The following DDX47 variants were observed in gnomAD, a reference collection of about 807,000 sequenced individuals.
The protein encoded by DDX47 is probable ATP-dependent RNA helicase DDX47.
DDX47 carries 60 observed loss-of-function variants against 58.8 expected under a neutral mutation model. That is an observed-to-expected ratio of 1.02 (90% CI 0.83 to 1.26). DDX47 has a LOEUF of 1.26. DDX47 is among the 50% of genes most tolerant of loss of function. The pLI, the probability that DDX47 is intolerant of heterozygous loss-of-function variation, is 0.00. For missense variants in DDX47, 530 were observed against 573.2 expected (o/e 0.92, Z 0.77); for synonymous variants, 197 against 204.6 (o/e 0.96, Z 0.32).
rs770793118 is a variant in DDX47 at position 12,827,334 on chromosome 12, C to G, written c.1195C>G (p.Leu399Val). Residue 399 changes from leucine to valine, a missense_variant, in exon 11 of 12, where the codon CTG (leucine) becomes GTG (valine). Physicochemically the swap from Leu to Val is conservative, Grantham distance 32. Transcript: ENST00000358007. ...AACACAGGATGATGAGGTTATGATG[C>G]TGACAGAACGCGTCGCTGAAGCCCA... ...FPTQDDEVMM[L>V]TERVAEAQRF... is the part of the protein sequence containing the mutation. The G allele has an allele frequency of 6.2e-7, 1 of 1,614,130 alleles. No homozygotes were observed. Among genetic ancestry groups the G allele is most frequent in the Non-Finnish European group, 8.5e-7 (1 of 1,180,010 alleles).
chr12:12,821,657 GTGATTGTAGGTGGAAT>G lies in DDX47; in HGVS notation c.379_394del (p.Val127GlnfsTer14). 6.2e-7 allele frequency: 1 copy of G among 1,613,880 alleles called. No individual in the cohort carries two copies. ...CTATGTTCTTTTTTTCTCTGTAGCT[GTGATTGTAGGTGGAAT>G]TGATTCAATGTCTCAATCTTTGGCC... On this transcript the variant is annotated frameshift_variant, in exon 4 of 12. Transcript: ENST00000358007. LOFTEE classifies it high-confidence loss of function.
intron 9 of DDX47, 137 bp downstream of exon 9, chr12:12,824,814 G>T: frequency 1.2e-6 from 1 of 861,512 alleles, no homozygotes; most frequent in South Asian, 1.7e-5. Context: ...CCCTTGGTTA[G>T]TTCATTCACA....
At chr12:12,813,594 C>G in intron 1 of DDX47, 140 bp downstream of exon 1, 1 of 813,274 alleles carries the variant, frequency 1.2e-6, no homozygotes. Context: ...TTTCAGAGGG[C>G]TGGGTTTCGG....
intron 9 of DDX47, 71 bp downstream of exon 9, chr12:12,824,748 C>G (rs1319028869): frequency 4.0e-6 from 6 of 1,496,712 alleles, no homozygotes; most frequent in Non-Finnish European, 4.6e-6. Context: ...TCTGTCTTTC[C>G]TTAGTTACAG....
intron 11 of DDX47, 64 bp downstream of exon 11, chr12:12,827,439 A>T (rs2065161550): frequency 6.4e-7 from 1 of 1,550,990 alleles, no homozygotes; most frequent in African/African-American, 1.4e-5. Context: ...CCACTTTATT[A>T]TATTAACCCT....
chr12:12,821,274 T>G lies in DDX47; in HGVS notation c.248T>G (p.Leu83Arg), dbSNP rs898503925. The part of the protein sequence containing the change: ...GKTGAFALPI[L>R]NALLETPQRL... ...ACAGGCGCCTTTGCTTTGCCCATTC[T>G]AAACGCACTGCTGGAGACCCCGCAG... is the stretch of plus-strand genomic sequence containing the variant. The change falls in exon 3 of 12, where the codon CTA becomes CGA. Residue 83 changes from leucine (L) to arginine (R), a missense_variant. Transcript: ENST00000358007. 9.3e-6 allele frequency: 15 copies of G among 1,614,148 alleles called. No homozygotes were observed. The highest frequency in any genetic ancestry group is 1.1e-5 in the Non-Finnish European group (13 of 1,180,062).
intron 6 of DDX47, 34 bp from the exon 7 acceptor site, chr12:12,823,169 C>A: frequency 7.9e-7 from 1 of 1,271,954 alleles, no homozygotes; most frequent in Non-Finnish European, 1.2e-6. Context: ...AGTGTTTAGG[C>A]ATCAGTGTGC....
chr12:12,827,842 A>G (rs1592325743), intron 11 of DDX47, among the ~76,000 whole-genome samples: 1 of 151,666 alleles, frequency 6.6e-6, no homozygotes, highest in African/African-American at 2.4e-5. Context: ...AAAAATTTGA[A>G]ATCCAAAACC....
chr12:12,815,041 C>T (rs1255768598), intron 2 of DDX47, among the ~76,000 whole-genome samples: 1 of 152,088 alleles, frequency 6.6e-6, no homozygotes, highest in Non-Finnish European at 1.5e-5. Flanking sequence ...AAAGTACCAA[C>T]TTTACAGGAT....
intron 2 of DDX47, 24 bp from the exon 3 acceptor site, chr12:12,821,184 C>T: frequency 6.2e-7 from 1 of 1,612,038 alleles, no homozygotes; most frequent in Non-Finnish European, 8.5e-7. Context: ...GATTACTTGG[C>T]TGTTGAATTT....
In DDX47 at chr12:12,829,765, T is replaced by C. The variant is rs537793007; in HGVS notation, c.*211T>C. The stretch of plus-strand genomic sequence containing the variant: ...CAAGACTGTTACTGTTCTTCGACTT[T>C]GATTCCTTGCTCATGACATGAGTAG... On this transcript the variant is annotated 3_prime_UTR_variant, in exon 12 of 12. Coordinates refer to ENST00000358007, the MANE Select transcript of DDX47 (RefSeq NM_016355.4). The C allele has an allele frequency of 1.3e-5, 6 of 479,624 alleles. 1 individual carries two copies. The South Asian group carries it at 2.4e-4, about 19-fold the overall frequency. 29.7% of individuals were successfully genotyped at this position (479,624 alleles called of 1,614,324 possible). A position where few individuals can be genotyped will look rare whatever the true frequency, so the allele number is the denominator to read the frequency against.
At chr12:12,814,371 T>C in intron 2 of DDX47, 147 bp downstream of exon 2, 1 of 612,194 alleles carries the variant, frequency 1.6e-6, no homozygotes, top group Non-Finnish European at 3.0e-6. Context: ...GAAAATGTCA[T>C]TCTCCAATTT....
intron 2 of DDX47, among the ~76,000 whole-genome samples, chr12:12,820,106 T>C (rs1862947091): frequency 6.6e-6 from 1 of 152,240 alleles, no homozygotes; most frequent in Admixed American, 6.5e-5. Context: ...CACTGGCCAC[T>C]GTGGTAGTGC....
At chr12:12,823,087 T>G in intron 6 of DDX47, 116 bp from the exon 7 acceptor site, 1 of 743,918 alleles carries the variant, frequency 1.3e-6, no homozygotes, top group East Asian at 2.5e-5. Flanking sequence ...GTCCCTCCCG[T>G]GACATGTGGG....
At position 12,823,259 on chromosome 12, in the gene DDX47, T is replaced by C. The variant is rs149098412; in HGVS notation, c.690T>C (p.Ser230=). 6.2e-7 allele frequency: 1 copy of C among 1,613,836 alleles called. No individual in the cohort carries two copies. Among genetic ancestry groups the C allele is most frequent in the East Asian group, 2.2e-5 (1 of 44,904 alleles). The change falls in exon 7 of 12, where the codon TCT becomes TCC. Residue 230 remains serine, a synonymous_variant. Coordinates refer to ENST00000358007, the MANE Select transcript of DDX47 (RefSeq NM_016355.4). ...LKNPVKCAVS[S]KYQTVEKLQQ... ...ATCCTGTGAAATGTGCCGTTTCCTC[T>C]AAATACCAGACAGTTGAAAAATTAC...
At chr12:12,825,853 C>A in intron 9 of DDX47, 147 bp from the exon 10 acceptor site, 1 of 577,494 alleles carries the variant, frequency 1.7e-6, no homozygotes, top group Non-Finnish European at 2.9e-6. Context: ...AGATTTGTCT[C>A]AACAAATTGC....
In DDX47 at chr12:12,821,382, T is replaced by C. The variant is rs753228090; in HGVS notation, c.356T>C (p.Ile119Thr). 3.1e-6 allele frequency: 5 copies of C among 1,614,168 alleles called. No homozygotes were observed. Among genetic ancestry groups the C allele is most frequent in the Admixed American group, 1.7e-5 (1 of 60,026 alleles). The change falls in exon 3 of 12, where the codon ATT becomes ACT. Residue 119 changes from isoleucine (I) to threonine (T), a missense_variant. By Grantham distance (89) the Ile-to-Thr change is moderately conservative. Coordinates refer to ENST00000358007, the MANE Select transcript of DDX47 (RefSeq NM_016355.4). ...CAGTTTGAAGCCCTGGGGTCCTCTA[T>C]TGGAGTGCAGAGTGGTAAGTGTCTG... is the stretch of plus-strand genomic sequence containing the variant. ...SEQFEALGSS[I>T]GVQSAVIVGG...
In DDX47 at chr12:12,813,422, GA is replaced by G. The variant is rs1373186113; in HGVS notation, c.57del (p.Glu20ArgfsTer12). The G allele has an allele frequency of 6.2e-7, 1 of 1,613,028 alleles. No homozygotes were observed. The highest frequency in any genetic ancestry group is 1.1e-5 in the South Asian group (1 of 90,786). ...GACCGAAGCGTCCCAGCCGATTGTG[GA>G]AGAGGAGGAAACTAAAACATTTAAA... ...SPTEASQPIV[E>X]EEETKTFKDL... is the part of the protein sequence containing the mutation. On this transcript the variant is annotated frameshift_variant, in exon 1 of 12. Coordinates refer to ENST00000358007, the MANE Select transcript of DDX47 (RefSeq NM_016355.4). LOFTEE classifies it high-confidence loss of function.
chr12:12,826,195 G>A, intron 10 of DDX47, 125 bp downstream of exon 10: 2 of 683,360 alleles, frequency 2.9e-6, no homozygotes, highest in Non-Finnish European at 4.7e-6. Flanking sequence ...CCAGGATGAA[G>A]GAGTTGAAAG....
Sources: allele counts gnomAD v4.1 joint callset (sites outside exome capture counted in the v4.1 genomes callset), GRCh38; gene constraint gnomAD v4.1.1; transcripts MANE v1.5; gene names NCBI Gene and HGNC (gene_info 2026-07-23, HGNC 2026-07-21).